Variants in PXDNL observed in about 807,000 individuals in gnomAD.
The protein encoded by PXDNL is probable oxidoreductase PXDNL.
In PXDNL, 145 loss-of-function variants were observed where a neutral mutation model predicts 150.8. The observed-to-expected ratio is 0.96, with a 90% CI of 0.84 to 1.10. The LOEUF is 1.10. PXDNL is among the 50% of genes least tolerant of loss of function. The pLI is 0.00. For missense variants in PXDNL, 2,087 were observed against 1,873.9 expected, an observed-to-expected ratio of 1.11 and a Z score of -2.10; for synonymous variants, 757 against 725.7, an observed-to-expected ratio of 1.04 and a Z score of -0.69.
intron 1 of PXDNL, among the ~76,000 whole-genome samples, chr8:51,686,218 A>G (rs1291651802): frequency 6.6e-6 from 1 of 152,182 alleles, no homozygotes; most frequent in Non-Finnish European, 1.5e-5. Context: ...TTGTTTTTAA[A>G]CAGTCCTCTA....
At chr8:51,382,371 T>TA (rs1486234865) in intron 17 of PXDNL, among the ~76,000 whole-genome samples, 2 of 152,158 alleles carry the variant, frequency 1.3e-5, no homozygotes, top group Admixed American at 6.5e-5. Context: ...TGTGGGATGA[T>TA]AAACTTCTGA....
At chr8:51,673,097 G>A (rs535515156) in intron 1 of PXDNL, among the ~76,000 whole-genome samples, 1 of 152,290 alleles carries the variant, frequency 6.6e-6, no homozygotes, top group African/African-American at 2.4e-5. Context: ...ATATTAGAAA[G>A]TATAGAAATT....
chr8:51,622,994 T>TA (rs768946228), intron 2 of PXDNL, among the ~76,000 whole-genome samples: 179 of 152,350 alleles, frequency 1.2e-3, no homozygotes, highest in Middle Eastern at 6.8e-3. Context: ...CCTTTATAGG[T>TA]AGCTGTTCAA....
chr8:51,473,105 GC>G (rs1485772754), intron 7 of PXDNL, among the ~76,000 whole-genome samples: 2 of 151,588 alleles, frequency 1.3e-5, no homozygotes, highest in Non-Finnish European at 2.9e-5. Flanking sequence ...TAATATCTTG[GC>G]TTTATTCTTT....
chr8:51,444,528 A>T (rs764548585), intron 12 of PXDNL, among the ~76,000 whole-genome samples: 13 of 152,184 alleles, frequency 8.5e-5, no homozygotes, highest in Non-Finnish European at 1.6e-4. Context: ...TAAAAAAATC[A>T]CCTAATACCC....
At chr8:51,801,001 A>C (rs1436056707) in intron 1 of PXDNL, among the ~76,000 whole-genome samples, 1 of 152,234 alleles carries the variant, frequency 6.6e-6, no homozygotes, top group Non-Finnish European at 1.5e-5. Flanking sequence ...CAAAGGTCTG[A>C]CTGCCTGCGG....
At chr8:51,422,886 A>G (rs1808992532) in intron 14 of PXDNL, among the ~76,000 whole-genome samples, 3 of 152,220 alleles carry the variant, frequency 2.0e-5, no homozygotes, top group Non-Finnish European at 2.9e-5. Flanking sequence ...AAATAACCTC[A>G]GCTGAGTTTC....
chr8:51,709,859 G>GT (rs1156721693), intron 1 of PXDNL, among the ~76,000 whole-genome samples: 1 of 152,040 alleles, frequency 6.6e-6, no homozygotes, highest in Non-Finnish European at 1.5e-5. Context: ...GATTCACAAA[G>GT]TTTTGCACAT....
At chr8:51,384,263 C>T (rs1330599873) in intron 17 of PXDNL, among the ~76,000 whole-genome samples, 1 of 151,968 alleles carries the variant, frequency 6.6e-6, no homozygotes, top group Non-Finnish European at 1.5e-5. Context: ...TGACATTTTA[C>T]ATCAGAGAAA....
chr8:51,413,040 A>C (rs1040616992), intron 15 of PXDNL, 110 bp downstream of exon 15: 1 of 675,018 alleles, frequency 1.5e-6, no homozygotes, highest in African/African-American at 1.8e-5. Context: ...ACAAGGACTA[A>C]AGAAAGCACT....
intron 1 of PXDNL, among the ~76,000 whole-genome samples, chr8:51,760,440 A>G (rs1390526099): frequency 6.6e-6 from 1 of 152,192 alleles, no homozygotes; most frequent in African/African-American, 2.4e-5. Flanking sequence ...AAATAAAATG[A>G]ATCCTCCCTT....
At chr8:51,405,787 C>T (rs1563396068) in intron 17 of PXDNL, among the ~76,000 whole-genome samples, 1 of 152,226 alleles carries the variant, frequency 6.6e-6, no homozygotes, top group African/African-American at 2.4e-5. Context: ...CTGGCTTCTA[C>T]TGACTTCTGG....
chr8:51,623,310 C>A (rs536027808), intron 2 of PXDNL, among the ~76,000 whole-genome samples: 1 of 152,300 alleles, frequency 6.6e-6, no homozygotes, highest in Non-Finnish European at 1.5e-5. Context: ...TTTCACCCAA[C>A]CTTGCAGTGC....
chr8:51,476,834 G>A (rs182622367), intron 6 of PXDNL, among the ~76,000 whole-genome samples: 6 of 152,160 alleles, frequency 3.9e-5, no homozygotes, highest in Admixed American at 6.5e-5. Context: ...ATACCTGATT[G>A]TAAGAAGTAG....
chr8:51,426,808 C>A, intron 12 of PXDNL, 50 bp from the exon 13 acceptor site: 13 of 1,069,104 alleles, frequency 1.2e-5, no homozygotes, highest in Non-Finnish European at 1.8e-5. Context: ...TCATTTTTGT[C>A]AACATATGCC....
chr8:51,619,340 C>T (rs545772552), intron 2 of PXDNL, among the ~76,000 whole-genome samples: 1 of 152,172 alleles, frequency 6.6e-6, no homozygotes, highest in Non-Finnish European at 1.5e-5. Context: ...GATCACATGA[C>T]CCCCTTTACA....
chr8:51,464,395 C>T (rs971503583), intron 8 of PXDNL, among the ~76,000 whole-genome samples: 1 of 3,854 alleles, frequency 2.6e-4, no homozygotes, highest in African/African-American at 4.9e-4. Flanking sequence ...GAAACTGAGA[C>T]ACAAGATCCA....
chr8:51,642,024 C>T (rs1488016133), intron 2 of PXDNL, among the ~76,000 whole-genome samples: 3 of 136,756 alleles, frequency 2.2e-5, no homozygotes, highest in African/African-American at 6.2e-5. Flanking sequence ...TACTATACAG[C>T]CATAAAAAAG....
intron 1 of PXDNL, among the ~76,000 whole-genome samples, chr8:51,797,174 C>A (rs1051227115): frequency 6.6e-6 from 1 of 152,106 alleles, no homozygotes; most frequent in African/African-American, 2.4e-5. Context: ...GAACATACCT[C>A]AAAATAATAA....
Sources: allele counts gnomAD v4.1 joint callset (sites outside exome capture counted in the v4.1 genomes callset), GRCh38; gene constraint gnomAD v4.1.1; transcripts MANE v1.5; gene names NCBI Gene and HGNC (gene_info 2026-07-23, HGNC 2026-07-21).